Variants in IGSF21 observed in about 807,000 individuals in gnomAD.
The protein encoded by IGSF21 is immunoglobulin superfamily member 21.
Under a neutral mutation model 46.8 loss-of-function variants are expected in IGSF21, and 28 were observed. That is an observed-to-expected ratio of 0.60 (90% confidence interval 0.44 to 0.82). IGSF21 has a LOEUF of 0.82. Ranked by LOEUF, IGSF21 falls within the 40% of genes least tolerant of loss-of-function variation. The pLI, the probability that IGSF21 is intolerant of heterozygous loss-of-function variation, is 0.00. For missense variants in IGSF21, 624 were observed against 665.5 expected (o/e 0.94, Z 0.69); for synonymous variants, 284 against 273.6 (o/e 1.04, Z -0.38).
chr1:18,205,063 G>T (rs951059264), intron 1 of IGSF21, among the ~76,000 whole-genome samples: 83 of 152,030 alleles, frequency 5.5e-4, no homozygotes, highest in African/African-American at 1.9e-3. Flanking sequence ...CATGTCAAAA[G>T]ATGCAAAGGC....
intron 1 of IGSF21, among the ~76,000 whole-genome samples, chr1:18,224,990 G>T (rs2883820): frequency 1.3e-5 from 2 of 151,492 alleles, no homozygotes; most frequent in Middle Eastern, 3.4e-3. Flanking sequence ...GCCTGAACCC[G>T]GTAGGTGGAG....
rs774922980 is a variant in IGSF21, at chr1:18,365,308, G to A, written c.626G>A (p.Ser209Asn). 26 of 1,614,114 alleles carry A rather than the reference G, an allele frequency of 1.6e-5. No individual in the cohort carries two copies. Among genetic ancestry groups the A allele is most frequent in the Non-Finnish European group, 2.2e-5 (26 of 1,180,018 alleles). ...PAASSGPLQD[S>N]RPFRSLLHRD... ...GCGAGCTCCGGCCCCCTACAGGACA[G>A]CAGGCCCTTCCGCAGCCTTCTGCAC... Residue 209 changes from serine (S) to asparagine (N), a missense_variant, in exon 6 of 10, where the codon AGC becomes AAC. Physicochemically the swap from Ser to Asn is conservative, Grantham distance 46. Transcript: ENST00000251296. This position sits in a 1 kb window ranked among gnomAD's most constrained non-coding sequence, Gnocchi z 4.8.
rs182784388 is a variant in IGSF21 at position 18,308,873 on chromosome 1, G to T, written c.305+16886G>T. Among the ~76,000 whole-genome samples the T allele has an allele frequency of 3.6e-3, 543 of 152,302 alleles. 3 individuals carry two copies. The highest frequency in any genetic ancestry group is 3.1e-3 in the Non-Finnish European group (210 of 68,036). Reference sequence around the variant, plus strand: ...GAAGAGACCCTGGATTTCAAGGCGGGCATCAGGCTAGATCAGGGCAGTGGG... The same window carrying T: ...GAAGAGACCCTGGATTTCAAGGCGGTCATCAGGCTAGATCAGGGCAGTGGG... On this transcript the variant is annotated intron_variant, in intron 3 of 9. Transcript: ENST00000251296.
rs377227775 is a variant in IGSF21, at chr1:18,231,549, C to G, written c.183+3539C>G. Among the ~76,000 whole-genome samples, 13 of 152,244 alleles carry G rather than the reference C, an allele frequency of 8.5e-5. No homozygotes were observed. The South Asian group carries it at 2.7e-3, about 32-fold the overall frequency. On this transcript the variant is annotated intron_variant, in intron 2 of 9. Coordinates refer to ENST00000251296, the MANE Select transcript of IGSF21 (RefSeq NM_032880.5). ...TCAAGGAAGTATGTGTAATCATAGC[C>G]CCTTGGTCTGGGTTGTCCAATATGG...
chr1:18,172,808 A>G (rs2086752296), intron 1 of IGSF21, among the ~76,000 whole-genome samples: 1 of 152,202 alleles, frequency 6.6e-6, no homozygotes, highest in Non-Finnish European at 1.5e-5. Flanking sequence ...ATGTGAAGTG[A>G]CTTGCCCAAA....
chr1:18,263,509 C>T (rs1477269153), intron 2 of IGSF21, among the ~76,000 whole-genome samples: 2 of 152,062 alleles, frequency 1.3e-5, no homozygotes, highest in East Asian at 1.9e-4. Context: ...CTTGGGACTC[C>T]GGTTTTTATT....
intron 1 of IGSF21, chr1:18,114,521 G>A (rs1284550620): frequency 1.3e-5 from 2 of 152,190 alleles, no homozygotes; most frequent in South Asian, 4.1e-4. Flanking sequence ...ACTTGCAGGT[G>A]GACTTCCTGG....
At chr1:18,268,830 T>A (rs1056687242) in intron 2 of IGSF21, among the ~76,000 whole-genome samples, 2 of 152,112 alleles carry the variant, frequency 1.3e-5, no homozygotes, top group African/African-American at 2.4e-5. Context: ...TGGAAGGCAG[T>A]CTTATGTCCC....
Position 18,283,605 on chromosome 1 carries a change from G to A in IGSF21, c.184-8261G>A, listed in dbSNP as rs912316677. ...GTGCCCCTCCCCCTACACAGCAGGCGGCCAGGCGGCTGAATCATTCTCCCA... is the reference window on the plus strand; with the variant it reads ...GTGCCCCTCCCCCTACACAGCAGGCAGCCAGGCGGCTGAATCATTCTCCCA... On this transcript the variant is annotated intron_variant, in intron 2 of 9. Coordinates refer to ENST00000251296, the MANE Select transcript of IGSF21 (RefSeq NM_032880.5). 1.1e-4 allele frequency among the ~76,000 whole-genome samples: 17 copies of A among 152,198 alleles called. No homozygotes were observed. The South Asian group carries it at 1.5e-3, about 13-fold the overall frequency.
chr1:18,294,821 C>T (rs996834582), intron 3 of IGSF21, among the ~76,000 whole-genome samples: 1 of 152,244 alleles, frequency 6.6e-6, no homozygotes, highest in Non-Finnish European at 1.5e-5. Context: ...GGAGGATTGT[C>T]AGCCCTCCCA....
chr1:18,287,799 T>C (rs2085230044), intron 2 of IGSF21, among the ~76,000 whole-genome samples: 1 of 152,130 alleles, frequency 6.6e-6, no homozygotes, highest in Non-Finnish European at 1.5e-5. Context: ...CCCCACTCCT[T>C]ATAGACACAA....
At chr1:18,153,223 C>G (rs2086536577) in intron 1 of IGSF21, among the ~76,000 whole-genome samples, 1 of 152,196 alleles carries the variant, frequency 6.6e-6, no homozygotes, top group Admixed American at 6.5e-5. Flanking sequence ...GGAGGCATTC[C>G]CGGGCGTTGC....
At chr1:18,338,141 C>A (rs1410798117) in intron 4 of IGSF21, among the ~76,000 whole-genome samples, 1 of 152,128 alleles carries the variant, frequency 6.6e-6, no homozygotes, top group Non-Finnish European at 1.5e-5. Context: ...AGGAGATAAT[C>A]TATAGAACAG....
chr1:18,338,977 A>G (rs2085800811), intron 4 of IGSF21, among the ~76,000 whole-genome samples: 1 of 152,164 alleles, frequency 6.6e-6, no homozygotes, highest in Non-Finnish European at 1.5e-5. Flanking sequence ...TCCCATCCCC[A>G]CCGAAGTTAA....
intron 1 of IGSF21, among the ~76,000 whole-genome samples, chr1:18,223,187 C>T (rs2084528244): frequency 2.0e-5 from 3 of 152,226 alleles, no homozygotes; most frequent in Admixed American, 2.0e-4. Flanking sequence ...TGAGCCTGGC[C>T]CCAACCCCAG....
At chr1:18,318,138 G>A (rs2085561683) in intron 3 of IGSF21, among the ~76,000 whole-genome samples, 1 of 152,208 alleles carries the variant, frequency 6.6e-6, no homozygotes, top group Non-Finnish European at 1.5e-5. Context: ...AACCAGGATT[G>A]TGGGCCACAC....
chr1:18,145,590 CA>C (rs1171224394), intron 1 of IGSF21, among the ~76,000 whole-genome samples: 2 of 152,076 alleles, frequency 1.3e-5, no homozygotes, highest in Non-Finnish European at 2.9e-5. Flanking sequence ...GGACACGAAG[CA>C]CACACATCCT....
intron 1 of IGSF21, among the ~76,000 whole-genome samples, chr1:18,141,513 G>A (rs1452500696): frequency 2.0e-5 from 3 of 152,044 alleles, no homozygotes; most frequent in African/African-American, 7.2e-5. Flanking sequence ...TGGGGGAGAG[G>A]CTGACACACA....
intron 2 of IGSF21, among the ~76,000 whole-genome samples, chr1:18,264,098 T>G (rs1265455401): frequency 6.6e-6 from 1 of 152,202 alleles, no homozygotes; most frequent in Admixed American, 6.5e-5. Flanking sequence ...AGAAGCCAAA[T>G]AGTTCTTCAA....
Sources: allele counts gnomAD v4.1 joint callset (sites outside exome capture counted in the v4.1 genomes callset), GRCh38; gene constraint gnomAD v4.1.1; non-coding constraint Gnocchi (gnomAD v3.1); transcripts MANE v1.5; gene names NCBI Gene and HGNC (gene_info 2026-07-23, HGNC 2026-07-21).